HHAT: variants seen among roughly 807,000 people sequenced by gnomAD.
The protein encoded by HHAT is protein-cysteine N-palmitoyltransferase HHAT.
Under a neutral mutation model 70.8 loss-of-function variants are expected in HHAT, and 47 were observed. The ratio of observed to expected loss-of-function variants is 0.66; its 90% CI spans 0.53 to 0.85. The LOEUF (loss-of-function observed/expected upper bound fraction) is 0.85. Ranked by LOEUF, HHAT falls within the 40% of genes least tolerant of loss-of-function variation. The pLI is 0.00. For missense variants in HHAT, 609 were observed against 604.8 expected (o/e 1.01, Z -0.07); for synonymous variants, 228 against 247.6 (o/e 0.92, Z 0.74).
chr1:210,425,432 A>G (rs1269914966), intron 7 of HHAT, among the ~76,000 whole-genome samples: 1 of 152,134 alleles, frequency 6.6e-6, no homozygotes, highest in Non-Finnish European at 1.5e-5. Flanking sequence ...TGTGTCCCAA[A>G]TGGTATTGCC....
At chr1:210,589,140 T>C (rs981820360) in intron 10 of HHAT, 3 of 152,088 alleles carry the variant, frequency 2.0e-5, no homozygotes, top group Non-Finnish European at 4.4e-5. Flanking sequence ...ATTTGAAAAA[T>C]GATTAATGTG....
At chr1:210,436,980 C>T (rs574109581) in intron 7 of HHAT, among the ~76,000 whole-genome samples, 2 of 151,936 alleles carry the variant, frequency 1.3e-5, no homozygotes, top group Admixed American at 6.5e-5. Flanking sequence ...CCAAGCACAT[C>T]ACAGAGTTTC....
chr1:210,412,913 C>T (rs1228521511), intron 6 of HHAT, among the ~76,000 whole-genome samples: 1 of 152,232 alleles, frequency 6.6e-6, no homozygotes, highest in Non-Finnish European at 1.5e-5. Context: ...GTTGCAGTGC[C>T]AACTACACTG....
chr1:210,426,547 A>G (rs1325371344), intron 7 of HHAT, among the ~76,000 whole-genome samples: 3 of 152,146 alleles, frequency 2.0e-5, no homozygotes, highest in African/African-American at 7.2e-5. Context: ...GTGTTTAACC[A>G]TGAATGGATG....
At chr1:210,665,375 T>C (rs1402111621) in intron 11 of HHAT, among the ~76,000 whole-genome samples, 1 of 152,240 alleles carries the variant, frequency 6.6e-6, no homozygotes, top group Non-Finnish European at 1.5e-5. Context: ...GAATCTCCTC[T>C]CTTTCCTTCC....
chr1:210,429,092 G>T (rs186548472), intron 7 of HHAT, among the ~76,000 whole-genome samples: 26 of 151,844 alleles, frequency 1.7e-4, no homozygotes, highest in Non-Finnish European at 3.4e-4. Flanking sequence ...GTCATAAGAT[G>T]ATACTTAAAC....
At chr1:210,334,099 G>A (rs1242881971) in intron 1 of HHAT, among the ~76,000 whole-genome samples, 1 of 151,450 alleles carries the variant, frequency 6.6e-6, no homozygotes, top group Non-Finnish European at 1.5e-5. Context: ...GGAGTGGAGG[G>A]CTGGGGATCC....
intron 9 of HHAT, among the ~76,000 whole-genome samples, chr1:210,517,006 T>A (rs2095067865): frequency 6.6e-6 from 1 of 152,158 alleles, no homozygotes; most frequent in Non-Finnish European, 1.5e-5. Context: ...GTGGGAAAAT[T>A]CAGTGAGCCC....
At chr1:210,532,492 G>A (rs1284205902) in intron 9 of HHAT, among the ~76,000 whole-genome samples, 3 of 152,134 alleles carry the variant, frequency 2.0e-5, no homozygotes, top group Non-Finnish European at 4.4e-5. Flanking sequence ...CTACTCATTG[G>A]TAAAAACACC....
intron 8 of HHAT, among the ~76,000 whole-genome samples, chr1:210,492,654 G>C (rs1018235248): frequency 6.6e-6 from 1 of 152,172 alleles, no homozygotes; most frequent in Non-Finnish European, 1.5e-5. Flanking sequence ...TAAATGGCTA[G>C]AGTGTACACT....
rs543801650 is a variant in HHAT at position 210,581,448 on chromosome 1, G to A, written c.1044-6450G>A. On this transcript the variant is annotated intron_variant, in intron 9 of 11. Coordinates refer to ENST00000261458, the MANE Select transcript of HHAT (RefSeq NM_018194.6). ...AGGACAGCACAGCCAGCTCTGTAGA[G>A]AAGAGAAACCTGAGCAGGGGCTGGT... 6.0e-4 allele frequency among the ~76,000 whole-genome samples: 91 copies of A among 152,326 alleles called. 1 individual carries two copies. The highest frequency in any genetic ancestry group is 2.1e-3 in the African/African-American group (89 of 41,582).
intron 7 of HHAT, among the ~76,000 whole-genome samples, chr1:210,432,753 A>G (rs901218946): frequency 6.6e-6 from 1 of 151,810 alleles, no homozygotes; most frequent in African/African-American, 2.4e-5. Flanking sequence ...GGAGTATAGC[A>G]TGGCAAACAT....
chr1:210,345,659 G>A (rs908487384), intron 1 of HHAT, among the ~76,000 whole-genome samples: 3 of 152,168 alleles, frequency 2.0e-5, no homozygotes, highest in African/African-American at 4.8e-5. Context: ...TATGCAGTAG[G>A]AACTTACTTT....
intron 3 of HHAT, 68 bp downstream of exon 3, chr1:210,362,987 ATTT>A: frequency 3.1e-6 from 4 of 1,271,320 alleles, no homozygotes; most frequent in Non-Finnish European, 4.6e-6. Context: ...TCACATTTGT[ATTT>A]GGAGTCGATC....
At chr1:210,597,429 C>G (rs1663251304) in intron 10 of HHAT, among the ~76,000 whole-genome samples, 1 of 152,166 alleles carries the variant, frequency 6.6e-6, no homozygotes, top group South Asian at 2.1e-4. Context: ...ATGGGTTCCT[C>G]CTGGTCCTGG....
intron 8 of HHAT, among the ~76,000 whole-genome samples, chr1:210,505,547 T>C (rs1015875367): frequency 6.6e-6 from 1 of 152,006 alleles, no homozygotes; most frequent in Non-Finnish European, 1.5e-5. Context: ...CTCTCCAAAA[T>C]TGGGTTAGGT....
intron 10 of HHAT, among the ~76,000 whole-genome samples, chr1:210,593,920 A>C (rs746554208): frequency 6.6e-6 from 1 of 152,128 alleles, no homozygotes; most frequent in Non-Finnish European, 1.5e-5. Flanking sequence ...TAATGATGAT[A>C]TGTAGCTTTG....
intron 11 of HHAT, among the ~76,000 whole-genome samples, chr1:210,639,466 A>G (rs1184194606): frequency 6.6e-6 from 1 of 152,120 alleles, no homozygotes; most frequent in Admixed American, 6.5e-5. Flanking sequence ...CATCCAGTAA[A>G]CAGATGGATG....
intron 9 of HHAT, among the ~76,000 whole-genome samples, chr1:210,521,950 T>A (rs2095165208): frequency 6.6e-6 from 1 of 152,200 alleles, no homozygotes; most frequent in Non-Finnish European, 1.5e-5. Context: ...ACATGCATGT[T>A]CTCTGTCCAC....
Sources: gnomAD v4.1 joint callset for allele counts (sites outside exome capture counted in the v4.1 genomes callset) on GRCh38, gnomAD v4.1.1 for gene constraint, MANE v1.5 for transcripts, NCBI Gene and HGNC (gene_info 2026-07-23, HGNC 2026-07-21) for gene names.